Variants in WDPCP observed in about 807,000 individuals in gnomAD.
The protein encoded by WDPCP is WD repeat containing planar cell polarity effector, also known as WD repeat-containing and planar cell polarity effector protein fritz homolog.
In WDPCP, 71 loss-of-function variants were observed where a neutral mutation model predicts 93.1. The observed-to-expected ratio is 0.76, with a 90% CI of 0.63 to 0.93. WDPCP has a LOEUF of 0.93. WDPCP is among the 40% of genes least tolerant of loss of function. The pLI is 0.00. For missense variants in WDPCP, 844 were observed against 887.4 expected, an observed-to-expected ratio of 0.95 and a Z score of 0.62; for synonymous variants, 315 against 315.0, an observed-to-expected ratio of 1.00 and a Z score of 0.00.
At chr2:63,204,820 T>C (rs192942650) in intron 14 of WDPCP, among the ~76,000 whole-genome samples, 3 of 152,300 alleles carry the variant, frequency 2.0e-5, no homozygotes, top group African/African-American at 7.2e-5. Context: ...ACTTTGTGGA[T>C]TGTTTCCTTT....
At chr2:63,806,129 G>A (rs1029761484) in intron 2 of WDPCP, among the ~76,000 whole-genome samples, 5 of 152,052 alleles carry the variant, frequency 3.3e-5, no homozygotes, top group Non-Finnish European at 7.4e-5. Context: ...AAGAGAAAAC[G>A]AAAAGGAAAA....
At chr2:63,166,527 TC>T (rs1245361835) in intron 15 of WDPCP, among the ~76,000 whole-genome samples, 2 of 152,018 alleles carry the variant, frequency 1.3e-5, no homozygotes, top group Non-Finnish European at 2.9e-5. Flanking sequence ...GCCTCACTCT[TC>T]CTGAGGCGTG....
chr2:63,607,174 A>G, intron 3 of WDPCP: 1 of 386,212 alleles, frequency 2.6e-6, no homozygotes, highest in Admixed American at 4.4e-5. Context: ...TGTGCATTCT[A>G]AATAAATATA....
At chr2:63,162,094 A>G (rs1672686297) in intron 15 of WDPCP, among the ~76,000 whole-genome samples, 1 of 152,120 alleles carries the variant, frequency 6.6e-6, no homozygotes, top group South Asian at 2.1e-4. Context: ...TCTTAGATGG[A>G]ACAAAGTCAG....
At chr2:63,743,696 C>T (rs1669756858) in intron 2 of WDPCP, among the ~76,000 whole-genome samples, 1 of 151,998 alleles carries the variant, frequency 6.6e-6, no homozygotes, top group African/African-American at 2.4e-5. Context: ...ATCAAGTGAT[C>T]TTATTAGGGA....
chr2:63,346,072 G>A (rs1689170789), intron 12 of WDPCP, among the ~76,000 whole-genome samples: 1 of 152,164 alleles, frequency 6.6e-6, no homozygotes. Context: ...GGAAAACTGG[G>A]TAAGAGTCCA....
intron 3 of WDPCP, among the ~76,000 whole-genome samples, chr2:63,634,956 A>G (rs1709906024): frequency 6.6e-6 from 1 of 152,076 alleles, no homozygotes; most frequent in African/African-American, 2.4e-5. Context: ...GTTTCTTGAG[A>G]AGATAAAGAA....
intron 17 of WDPCP, among the ~76,000 whole-genome samples, chr2:63,134,563 T>C (rs1480956558): frequency 6.6e-6 from 1 of 151,850 alleles, no homozygotes; most frequent in Non-Finnish European, 1.5e-5. Context: ...TGGCTTATAC[T>C]ATGAGCACTT....
chr2:63,219,467 C>T (rs1235182145), intron 14 of WDPCP, among the ~76,000 whole-genome samples: 1 of 152,060 alleles, frequency 6.6e-6, no homozygotes, highest in Non-Finnish European at 1.5e-5. Flanking sequence ...GTTTGAAAAC[C>T]CCAGATTAAA....
chr2:63,810,929 G>T (rs971599540), intron 2 of WDPCP, among the ~76,000 whole-genome samples: 12 of 152,206 alleles, frequency 7.9e-5, no homozygotes, highest in Admixed American at 6.5e-4. Flanking sequence ...CTTTCCAGAG[G>T]GAGAAGGAAT....
chr2:63,444,209 C>CT (rs1290306885), intron 6 of WDPCP, among the ~76,000 whole-genome samples: 1 of 152,106 alleles, frequency 6.6e-6, no homozygotes, highest in Non-Finnish European at 1.5e-5. Flanking sequence ...AGTTTGGATA[C>CT]TTGAAAGATC....
At chr2:63,633,216 A>G (rs187291515) in intron 3 of WDPCP, among the ~76,000 whole-genome samples, 28 of 152,366 alleles carry the variant, frequency 1.8e-4, no homozygotes, top group Non-Finnish European at 2.2e-4. Flanking sequence ...CCATGTAAGA[A>G]ATACTGAAGG....
chr2:63,490,250 A>G (rs1461533144), intron 2 of WDPCP, among the ~76,000 whole-genome samples: 1 of 152,180 alleles, frequency 6.6e-6, no homozygotes, highest in Non-Finnish European at 1.5e-5. Flanking sequence ...TGGTCCATTT[A>G]GACTGAAGTA....
At chr2:63,212,543 G>C (rs1280053016) in intron 14 of WDPCP, among the ~76,000 whole-genome samples, 3 of 152,148 alleles carry the variant, frequency 2.0e-5, no homozygotes, top group Non-Finnish European at 4.4e-5. Flanking sequence ...TCGATGCTAG[G>C]AAGAAACTGC....
intron 2 of WDPCP, among the ~76,000 whole-genome samples, chr2:63,768,915 G>GGAGA (rs1281089066): frequency 6.6e-6 from 1 of 151,892 alleles, no homozygotes; most frequent in Non-Finnish European, 1.5e-5. Context: ...TTCTAGGAGG[G>GGAGA]GAGATCTCTT....
intron 3 of WDPCP, among the ~76,000 whole-genome samples, chr2:63,628,729 G>A (rs981876461): frequency 2.0e-5 from 3 of 152,190 alleles, no homozygotes; most frequent in African/African-American, 4.8e-5. Flanking sequence ...GTCCTTTACA[G>A]CAGCTGCTCA....
intron 3 of WDPCP, among the ~76,000 whole-genome samples, chr2:63,629,425 T>G (rs1709842672): frequency 6.6e-6 from 1 of 152,192 alleles, no homozygotes; most frequent in African/African-American, 2.4e-5. Flanking sequence ...ATTTGAGAAA[T>G]TTTACGGTAT....
At chr2:63,669,065 C>T (rs1319415004) in intron 2 of WDPCP, among the ~76,000 whole-genome samples, 3 of 152,130 alleles carry the variant, frequency 2.0e-5, no homozygotes, top group Non-Finnish European at 4.4e-5. Context: ...AAACTTCTGT[C>T]GAATGCTTAG....
At chr2:63,514,707 T>C (rs974172450) in intron 1 of WDPCP, among the ~76,000 whole-genome samples, 3 of 152,124 alleles carry the variant, frequency 2.0e-5, no homozygotes, top group Non-Finnish European at 2.9e-5. Flanking sequence ...AATACAGATA[T>C]AGAGCTCAGG....
Sources: allele counts gnomAD v4.1 joint callset (sites outside exome capture counted in the v4.1 genomes callset), GRCh38; gene constraint gnomAD v4.1.1; transcripts MANE v1.5; gene names NCBI Gene and HGNC (gene_info 2026-07-23, HGNC 2026-07-21).